The following ZZEF1 variants were observed in gnomAD, a reference collection of about 807,000 sequenced individuals.
ZZEF1 encodes zinc finger ZZ-type and EF-hand domain-containing protein 1.
A neutral mutation model predicts 342.8 loss-of-function variants in ZZEF1; 157 were observed. That is an observed-to-expected ratio of 0.46 (90% CI 0.40 to 0.52). ZZEF1 has a LOEUF of 0.52. Ranked by LOEUF, ZZEF1 falls within the 20% of genes least tolerant of loss-of-function variation. ZZEF1 has a pLI of 0.00. For synonymous variants in ZZEF1, 1,505 were observed against 1,429.1 expected, an observed-to-expected ratio of 1.05 and a Z score of -1.20; for missense variants, 3,480 against 3,725.6, an observed-to-expected ratio of 0.93 and a Z score of 1.72.
At chr17:4,108,620 A>G (rs2058249307) in intron 6 of ZZEF1, among the ~76,000 whole-genome samples, 1 of 152,196 alleles carries the variant, frequency 6.6e-6, no homozygotes, top group Non-Finnish European at 1.5e-5. Flanking sequence ...CCTGATTTCA[A>G]TGGTTGTCAG....
intron 34 of ZZEF1, 84 bp from the exon 35 acceptor site, chr17:4,052,220 C>T: frequency 2.9e-6 from 4 of 1,361,030 alleles, no homozygotes; most frequent in Non-Finnish European, 3.9e-6. Flanking sequence ...AACCCCAGCA[C>T]CAGGGCCGTT....
intron 35 of ZZEF1, among the ~76,000 whole-genome samples, chr17:4,051,572 C>A (rs1273769059): frequency 6.6e-6 from 1 of 151,886 alleles, no homozygotes; most frequent in East Asian, 1.9e-4. Flanking sequence ...AGGCACCCAC[C>A]ACCACACCCA....
chr17:4,126,200 G>A lies in ZZEF1; in HGVS notation c.355-2149C>T, dbSNP rs548247602. 4.9e-3 allele frequency among the ~76,000 whole-genome samples: 718 copies of A among 145,236 alleles called. 7 individuals are homozygous for A. Among genetic ancestry groups the A allele is most frequent in the African/African-American group, 0.017 (680 of 39,450 alleles). On this transcript the variant is annotated intron_variant, in intron 1 of 54. Transcript: ENST00000381638. ...AGATCACACACTGCACTCCAGCCTG[G>A]GTGACAGAGAGCAAGACTCCGTCTC... is the stretch of plus-strand genomic sequence containing the variant.
At chr17:4,107,767 G>A (rs1239987683) in intron 6 of ZZEF1, among the ~76,000 whole-genome samples, 19 of 152,194 alleles carry the variant, frequency 1.2e-4, no homozygotes, top group Non-Finnish European at 2.9e-5. Flanking sequence ...GAAATAGGCT[G>A]GGCATGGTGG....
In ZZEF1 at chr17:4,117,021, C is replaced by T. The variant is rs765920396; in HGVS notation, c.645G>A (p.Arg215=). The T allele has an allele frequency of 2.5e-6, 4 of 1,613,694 alleles. No individual in the cohort carries two copies. The highest frequency in any genetic ancestry group is 3.4e-6 in the Non-Finnish European group (4 of 1,179,734). ...LEHCNNMCTM[R]SSVLKESLDQ... is the part of the protein sequence containing the mutation. ...CCAGAGACTCCTTCAGGACGGAAGA[C>T]CGCATGGTGCACATGTTATTGCAGT... Residue 215 remains arginine (R), a synonymous_variant, in exon 3 of 55, where the codon CGG becomes CGA. Transcript: ENST00000381638.
intron 24 of ZZEF1, among the ~76,000 whole-genome samples, chr17:4,073,058 C>T (rs966136634): frequency 6.6e-6 from 1 of 152,142 alleles, no homozygotes. Flanking sequence ...GCATATAACA[C>T]GAGGCCATTC....
intron 27 of ZZEF1, 59 bp downstream of exon 27, chr17:4,067,104 C>T: frequency 2.2e-6 from 3 of 1,385,552 alleles, no homozygotes; most frequent in Non-Finnish European, 3.0e-6. Context: ...ATCTTAATTC[C>T]ATGATATCAC....
intron 43 of ZZEF1, 108 bp from the exon 44 acceptor site, chr17:4,022,936 ACAC>A: frequency 1.4e-6 from 2 of 1,427,458 alleles, no homozygotes; most frequent in Non-Finnish European, 1.9e-6. Context: ...CGTCCATTCA[ACAC>A]ATACTTTTGA....
chr17:4,091,874 C>T (rs993289109), intron 11 of ZZEF1, among the ~76,000 whole-genome samples: 21 of 150,604 alleles, frequency 1.4e-4, no homozygotes, highest in Non-Finnish European at 2.8e-4. Flanking sequence ...GTCAGGAATT[C>T]GAGACCAGCC....
In ZZEF1 at chr17:4,013,502, T is replaced by C. The variant is rs2056020273; in HGVS notation, c.8526A>G (p.Gln2842=). The C allele has an allele frequency of 1.9e-6, 3 of 1,613,826 alleles. No individual in the cohort carries two copies. The highest frequency in any genetic ancestry group is 1.7e-5 in the Admixed American group (1 of 59,986). The change falls in exon 52 of 55, where the codon CAA becomes CAG. Residue 2842 remains glutamine, a synonymous_variant. Transcript: ENST00000381638. ...VGVACRQTGH[Q]RLKAIHLLLR... is the part of the protein sequence containing the mutation. ...GAAGTAAGTGGATGGCTTTTAATCG[T>C]TGATGGCCAGTCTGGCGACAGGCCA...
At chr17:4,058,323 A>G (rs16953678) in intron 31 of ZZEF1, among the ~76,000 whole-genome samples, 168 bp from the exon 32 acceptor site, 23,560 of 152,174 alleles carry the variant, frequency 0.15, 2,013 homozygotes, top group African/African-American at 0.22. Flanking sequence ...CATCCTTCAA[A>G]GCTTACACAA....
At position 4,077,919 on chromosome 17, in the gene ZZEF1, C is replaced by T; in HGVS notation, c.2953G>A (p.Gly985Arg). The T allele has an allele frequency of 6.2e-7, 1 of 1,614,138 alleles. No homozygotes were observed. Residue 985 changes from glycine to arginine, a missense_variant, in exon 19 of 55, where the codon GGA becomes AGA. Physicochemically the swap from Gly to Arg is moderately radical, Grantham distance 125 (BLOSUM62 -2). Around this residue, in one of 5 missense-constraint regions of ZZEF1, gnomAD observed 1,528 missense variants for 1,624.1 expected, o/e 0.94. Coordinates refer to ENST00000381638, the MANE Select transcript of ZZEF1 (RefSeq NM_015113.4). The part of the protein sequence containing the change: ...CYLQLKSTDS[G>R]AKDLAVDLIE... ...AGGTCCACGGCAAGATCTTTGGCTC[C>T]AGAGTCCGTGCTCTTCAGCTGCAGG...
chr17:4,011,932 G>A (rs957414677), intron 52 of ZZEF1, among the ~76,000 whole-genome samples: 3 of 152,140 alleles, frequency 2.0e-5, no homozygotes, highest in African/African-American at 7.2e-5. Context: ...TGTGGCCTCC[G>A]GGCCAAGCCC....
At chr17:4,015,110 C>A (rs1336984632) in intron 49 of ZZEF1, among the ~76,000 whole-genome samples, 1 of 152,148 alleles carries the variant, frequency 6.6e-6, no homozygotes, top group Non-Finnish European at 1.5e-5. Context: ...TGGTGTGGAG[C>A]AAGGCTGGGC....
intron 2 of ZZEF1, among the ~76,000 whole-genome samples, chr17:4,123,268 C>CAT (rs60101709): frequency 0.12 from 10,235 of 83,000 alleles, 748 homozygotes; most frequent in Non-Finnish European, 0.14. Flanking sequence ...TTATCATAAC[C>CAT]ATATATATAT....
intron 27 of ZZEF1, 76 bp downstream of exon 27, chr17:4,067,087 A>C: frequency 8.1e-7 from 1 of 1,241,884 alleles, no homozygotes; most frequent in Middle Eastern, 1.9e-4. Context: ...TGAGAAGAGA[A>C]CAATTCATCT....
intron 37 of ZZEF1, among the ~76,000 whole-genome samples, chr17:4,047,849 G>A (rs1364482166): frequency 1.4e-5 from 2 of 147,676 alleles, no homozygotes; most frequent in Admixed American, 6.9e-5. Flanking sequence ...GCTGAGGTAG[G>A]AGGATCATTG....
rs761135177 is a variant in ZZEF1 at position 4,017,490 on chromosome 17, C to T, written c.7882G>A (p.Ala2628Thr). The part of the protein sequence containing the change: ...YARHVLASLL[A>T]EWPSHVPVSE... Reference sequence around the variant, plus strand: ...ACTGGCACGTGGCTAGGCCACTCGGCGAGCAGGGATGCAAGCACGTGGCGG... The same window carrying T: ...ACTGGCACGTGGCTAGGCCACTCGGTGAGCAGGGATGCAAGCACGTGGCGG... The change falls in exon 48 of 55, where the codon GCC (alanine) becomes ACC (threonine). Residue 2628 changes from alanine to threonine, a missense_variant. This residue lies in a region of ZZEF1 where 1,269 missense variants were observed against 1,342.4 expected (regional missense o/e 0.95). Transcript: ENST00000381638. This position sits in a 1 kb window ranked among gnomAD's most constrained non-coding sequence, Gnocchi z 5.1. 26 of 1,614,256 alleles carry T rather than the reference C, an allele frequency of 1.6e-5. 1 individual carries two copies. Among genetic ancestry groups the T allele is most frequent in the East Asian group, 6.7e-5 (3 of 44,894 alleles).
At chr17:4,033,866 T>C in intron 40 of ZZEF1, 149 bp downstream of exon 40, 1 of 1,064,232 alleles carries the variant, frequency 9.4e-7, no homozygotes, top group Admixed American at 2.4e-5. Context: ...ACAGCATTGC[T>C]CATGAACCTA....
Sources: allele counts gnomAD v4.1 joint callset (sites outside exome capture counted in the v4.1 genomes callset), GRCh38; gene constraint gnomAD v4.1.1; regional missense constraint gnomAD v4.1.1; non-coding constraint Gnocchi (gnomAD v3.1); transcripts MANE v1.5; gene names NCBI Gene and HGNC (gene_info 2026-07-23, HGNC 2026-07-21).